MINPP1: variants seen among roughly 807,000 people sequenced by gnomAD.
MINPP1 encodes the protein multiple inositol-polyphosphate phosphatase 1.
A neutral mutation model predicts 46.1 loss-of-function variants in MINPP1; 28 were observed. The ratio of observed to expected loss-of-function variants is 0.61; its 90% CI spans 0.45 to 0.83. The LOEUF (loss-of-function observed/expected upper bound fraction) is 0.83. Among genes scored for constraint, MINPP1 ranks in the 40% least tolerant of loss-of-function variants. The pLI is 0.00. For synonymous variants in MINPP1, 268 were observed against 249.1 expected (o/e 1.08, Z -0.72); for missense variants, 603 against 610.0 (o/e 0.99, Z 0.12).
At chr10:87,538,998 A>G (rs1163685391) in intron 4 of MINPP1, among the ~76,000 whole-genome samples, 1 of 152,170 alleles carries the variant, frequency 6.6e-6, no homozygotes, top group Non-Finnish European at 1.5e-5. Context: ...ACCCTCATTA[A>G]AAGACAGGAT....
rs184735974 is a variant in MINPP1 at position 87,522,237 on chromosome 10, T to C, written c.1067+1068T>C. ...ACTCCATTTTTCTGAATTAGTAAAG[T>C]TTTTTTTTACAAGGCAACACCAAAA... On this transcript the variant is annotated intron_variant, in intron 4 of 4. Coordinates refer to ENST00000371996, the MANE Select transcript of MINPP1 (RefSeq NM_004897.5). Among the ~76,000 whole-genome samples the C allele has an allele frequency of 1.5e-4, 20 of 137,308 alleles. No individual in the cohort carries two copies. The East Asian group carries it at 2.6e-3, about 18-fold the overall frequency. The allele number at this position is 137,308 out of a possible 152,430, so 90.1% of individuals were successfully genotyped here. A position where few individuals can be genotyped will look rare whatever the true frequency, so the allele number is the denominator to read the frequency against.
intron 4 of MINPP1, among the ~76,000 whole-genome samples, chr10:87,532,116 C>G (rs1023072285): frequency 6.6e-6 from 1 of 152,206 alleles, no homozygotes; most frequent in African/African-American, 2.4e-5. Flanking sequence ...ACCCCTGCCC[C>G]CCTTGGCAAT....
chr10:87,549,547 C>T (rs1020843495), intron 4 of MINPP1, among the ~76,000 whole-genome samples: 4 of 152,168 alleles, frequency 2.6e-5, no homozygotes, highest in African/African-American at 9.7e-5. Context: ...CACTGGATCT[C>T]AGACACTTGG....
chr10:87,511,257 C>G (rs549425050), intron 2 of MINPP1, among the ~76,000 whole-genome samples: 2 of 152,190 alleles, frequency 1.3e-5, no homozygotes, highest in South Asian at 4.1e-4. Flanking sequence ...TCTTGCTTAT[C>G]TCTTAGGTTT....
Position 87,552,658 on chromosome 10 carries a change from C to T in MINPP1, c.*180C>T. The T allele has an allele frequency of 1.6e-6, 1 of 625,644 alleles. No homozygotes were observed. The highest frequency in any genetic ancestry group is 2.7e-6 in the Non-Finnish European group (1 of 365,552). The allele number at this position is 625,644 out of a possible 1,614,324, so 38.8% of individuals were successfully genotyped here. ...ACATGAAATGTAAGAAAAGATTTTT[C>T]ACTGGAGCAGCTCTCTTAAGGAGAA... On this transcript the variant is annotated 3_prime_UTR_variant, in exon 5 of 5. Transcript: ENST00000371996.
At chr10:87,531,221 A>G (rs1016858280) in intron 4 of MINPP1, among the ~76,000 whole-genome samples, 1 of 152,224 alleles carries the variant, frequency 6.6e-6, no homozygotes, top group Non-Finnish European at 1.5e-5. Flanking sequence ...GACAAGCCCT[A>G]GTGGGATGAA....
intron 4 of MINPP1, among the ~76,000 whole-genome samples, chr10:87,546,123 G>A (rs1184800653): frequency 6.6e-6 from 1 of 152,156 alleles, no homozygotes; most frequent in Non-Finnish European, 1.5e-5. Flanking sequence ...GCTGCTGGTT[G>A]GCTATTTTTT....
At chr10:87,517,270 G>A (rs555578888) in intron 3 of MINPP1, among the ~76,000 whole-genome samples, 1 of 152,308 alleles carries the variant, frequency 6.6e-6, no homozygotes, top group African/African-American at 2.4e-5. Context: ...TTGTGAAAAG[G>A]TTTACAAATT....
In MINPP1 at chr10:87,535,897, C is replaced by G. The variant is rs577442602; in HGVS notation, c.1067+14728C>G. ...TGAGCCGTGATCATGCCACTGTACT[C>G]CAGCTTGGGCAACAGAGCAAGACCC... On this transcript the variant is annotated intron_variant, in intron 4 of 4. Coordinates refer to ENST00000371996, the MANE Select transcript of MINPP1 (RefSeq NM_004897.5). Among the ~76,000 whole-genome samples the G allele has an allele frequency of 2.0e-5, 3 of 152,206 alleles. 1 individual carries two copies. Among genetic ancestry groups the G allele is most frequent in the Middle Eastern group, 6.8e-3 (2 of 294 alleles).
chr10:87,524,094 T>C (rs546207318), intron 4 of MINPP1, among the ~76,000 whole-genome samples: 75 of 152,346 alleles, frequency 4.9e-4, no homozygotes, highest in African/African-American at 1.8e-3. Context: ...AAGCCAGACA[T>C]TGATGTTCTA....
At chr10:87,535,722 G>A (rs1851724860) in intron 4 of MINPP1, among the ~76,000 whole-genome samples, 1 of 152,046 alleles carries the variant, frequency 6.6e-6, no homozygotes, top group Admixed American at 6.6e-5. Flanking sequence ...GAGCCCAGGA[G>A]TTTGAGACCA....
At chr10:87,522,517 C>T (rs1400607223) in intron 4 of MINPP1, among the ~76,000 whole-genome samples, 4 of 151,904 alleles carry the variant, frequency 2.6e-5, no homozygotes, top group Non-Finnish European at 4.4e-5. Context: ...TTTGGTTTCC[C>T]GGTGCATATA....
intron 3 of MINPP1, among the ~76,000 whole-genome samples, chr10:87,517,747 ATGTC>A (rs1851432969): frequency 6.6e-6 from 1 of 152,120 alleles, no homozygotes; most frequent in African/African-American, 2.4e-5. Context: ...CTGAAGGTGT[ATGTC>A]TGGTAGAATT....
rs1225326756 is a variant in MINPP1, at chr10:87,518,633, T to A, written c.934-2403T>A. On this transcript the variant is annotated intron_variant, in intron 3 of 4. Transcript: ENST00000371996. Reference sequence around the variant, plus strand: ...TTGTCTACCTGGAGGTAGTATTAGATCCCACAGGTTGAGGGCTCAGTCCCC... The same window carrying A: ...TTGTCTACCTGGAGGTAGTATTAGAACCCACAGGTTGAGGGCTCAGTCCCC... 2.0e-5 allele frequency among the ~76,000 whole-genome samples: 3 copies of A among 152,026 alleles called. No individual in the cohort carries two copies. The East Asian group carries it at 5.8e-4, about 29-fold the overall frequency.
chr10:87,535,136 A>G (rs1215302050), intron 4 of MINPP1, among the ~76,000 whole-genome samples: 1 of 152,252 alleles, frequency 6.6e-6, no homozygotes, highest in Non-Finnish European at 1.5e-5. Context: ...TTCTGTGTGG[A>G]TGTAAGATGT....
intron 2 of MINPP1, among the ~76,000 whole-genome samples, chr10:87,510,277 A>G (rs886936740): frequency 6.6e-6 from 1 of 152,204 alleles, no homozygotes; most frequent in African/African-American, 2.4e-5. Context: ...ATAGGGGGTG[A>G]TGCTATATGT....
At chr10:87,506,642 C>T (rs1224305592) in intron 1 of MINPP1, among the ~76,000 whole-genome samples, 3 of 152,068 alleles carry the variant, frequency 2.0e-5, no homozygotes, top group Non-Finnish European at 4.4e-5. Context: ...AATAACATAC[C>T]TAATAAGAAT....
chr10:87,533,961 G>T (rs1342825897), intron 4 of MINPP1, among the ~76,000 whole-genome samples: 1 of 151,262 alleles, frequency 6.6e-6, no homozygotes, highest in African/African-American at 2.4e-5. Flanking sequence ...TGAAGTCACA[G>T]TTCCATGGAG....
At chr10:87,534,517 AATT>A (rs1851706154) in intron 4 of MINPP1, among the ~76,000 whole-genome samples, 1 of 152,162 alleles carries the variant, frequency 6.6e-6, no homozygotes, top group Non-Finnish European at 1.5e-5. Context: ...ATTTCTGCAC[AATT>A]ATTTTACCTT....
Sources: allele counts gnomAD v4.1 joint callset (sites outside exome capture counted in the v4.1 genomes callset), GRCh38; gene constraint gnomAD v4.1.1; transcripts MANE v1.5; gene names NCBI Gene and HGNC (gene_info 2026-07-23, HGNC 2026-07-21).